ADAMTS13: variants seen among roughly 807,000 people sequenced by gnomAD.
The protein encoded by ADAMTS13 is ADAM metallopeptidase with thrombospondin type 1 motif 13, also known as A disintegrin and metalloproteinase with thrombospondin motifs 13.
In ADAMTS13, 110 loss-of-function variants were observed where a neutral mutation model predicts 155.1. The ratio of observed to expected loss-of-function variants is 0.71; its 90% CI spans 0.61 to 0.83. The LOEUF is 0.83. Among genes scored for constraint, ADAMTS13 ranks in the 40% least tolerant of loss-of-function variants. The pLI is 0.00. For missense variants in ADAMTS13, 1,707 were observed against 1,891.7 expected (o/e 0.90, Z 1.81); for synonymous variants, 758 against 756.4 (o/e 1.00, Z -0.03).
intron 11 of ADAMTS13, among the ~76,000 whole-genome samples, chr9:133,435,977 C>T (rs1416310387): frequency 1.6e-4 from 20 of 128,364 alleles, no homozygotes; most frequent in African/African-American, 4.0e-4. Flanking sequence ...CTTTTCTCTT[C>T]TTTTTTTTTT....
upstream of ADAMTS13, among the ~76,000 whole-genome samples, chr9:133,420,834 A>G (rs1839923603): frequency 1.3e-5 from 2 of 152,378 alleles, no homozygotes; most frequent in Middle Eastern, 3.4e-3. Flanking sequence ...ATCAATTTCA[A>G]TGGTATGTGG....
chr9:133,428,609 G>T, intron 6 of ADAMTS13, 25 bp from the exon 7 acceptor site: 1 of 1,197,598 alleles, frequency 8.4e-7, no homozygotes, highest in Non-Finnish European at 1.0e-6. Flanking sequence ...GGCCGCCTTA[G>T]CGCAACTCCC....
In ADAMTS13 at chr9:133,455,302, G is replaced by C. The variant is rs782307600; in HGVS notation, c.3267G>C (p.Gly1089=). 2 of 1,603,288 alleles carry C rather than the reference G, an allele frequency of 1.2e-6. No homozygotes were observed. Among genetic ancestry groups the C allele is most frequent in the Non-Finnish European group, 1.7e-6 (2 of 1,179,962 alleles). Residue 1089 remains glycine (G), a synonymous_variant, in exon 25 of 29, where the codon GGG becomes GGC. Coordinates refer to ENST00000355699, the MANE Select transcript of ADAMTS13 (RefSeq NM_139027.6). The stretch of plus-strand genomic sequence containing the variant: ...CTTGGCAGTGCTCTGTTTCCTGTGG[G>C]GATGGCATCCAGCGCCGGCGTGACA... The part of the protein sequence containing the change: ...GTWMECSVSC[G]DGIQRRRDTC...
In ADAMTS13 at chr9:133,433,664, G is replaced by A. The variant is rs1554788223; in HGVS notation, c.1268G>A (p.Cys423Tyr). Residue 423 changes from cysteine (C) to tyrosine (Y), a missense_variant, in exon 11 of 29, where the codon TGT becomes TAT. Physicochemically the swap from Cys to Tyr is radical, Grantham distance 194. Coordinates refer to ENST00000355699, the MANE Select transcript of ADAMTS13 (RefSeq NM_139027.6). The part of the protein sequence containing the change: ...NPRPAFGGRA[C>Y]VGADLQAEMC... ...AGACCTGCCTTTGGGGGGCGTGCAT[G>A]TGTTGGTGCTGACCTCCAGGCCGAG... 6.2e-7 allele frequency: 1 copy of A among 1,614,004 alleles called. No homozygotes were observed. Among genetic ancestry groups the A allele is most frequent in the Non-Finnish European group, 8.5e-7 (1 of 1,180,006 alleles).
intron 27 of ADAMTS13, among the ~76,000 whole-genome samples, chr9:133,457,633 C>T (rs1842824934): frequency 6.6e-6 from 1 of 152,236 alleles, no homozygotes; most frequent in African/African-American, 2.4e-5. Context: ...CACTCTTGCA[C>T]GTGTGACATC....
intron 16 of ADAMTS13, among the ~76,000 whole-genome samples, chr9:133,442,197 C>T (rs1841719497): frequency 6.6e-6 from 1 of 152,148 alleles, no homozygotes; most frequent in African/African-American, 2.4e-5. Flanking sequence ...TCTGAAACTC[C>T]TGGGCTCAAG....
At chr9:133,422,312 T>G (rs1157568820), upstream of ADAMTS13, 5 of 898,016 alleles carry the variant, frequency 5.6e-6, no homozygotes, top group East Asian at 1.3e-4. Context: ...GGCAGGAAGC[T>G]TCCAAGAGTA....
At chr9:133,431,095 G>C (rs1057328566) in intron 8 of ADAMTS13, among the ~76,000 whole-genome samples, 1 of 151,992 alleles carries the variant, frequency 6.6e-6, no homozygotes, top group Non-Finnish European at 1.5e-5. Context: ...CCTTGGAGTA[G>C]CTGGGACTAC....
At chr9:133,447,588 T>C (rs971718957) in intron 21 of ADAMTS13, among the ~76,000 whole-genome samples, 2 of 150,714 alleles carry the variant, frequency 1.3e-5, no homozygotes, top group Admixed American at 6.6e-5. Flanking sequence ...TTTCTTTTTC[T>C]TTTTTTTCTT....
In ADAMTS13 at chr9:133,448,681, G is replaced by T. The variant is rs1554793320; in HGVS notation, c.2814G>T (p.Lys938Asn). ...VQEELCGLAS[K>N]PGSRREVCQA... is the part of the protein sequence containing the mutation. Reference sequence around the variant, plus strand: ...AAGAGCTGTGTGGCCTGGCAAGCAAGCCTGGGAGCCGGCGGGAGGTCTGCC... The same window carrying T: ...AAGAGCTGTGTGGCCTGGCAAGCAATCCTGGGAGCCGGCGGGAGGTCTGCC... The change falls in exon 22 of 29, where the codon AAG becomes AAT. Residue 938 changes from lysine to asparagine, a missense_variant. Lys to Asn is a moderately conservative substitution (Grantham distance 94). This residue lies in a region of ADAMTS13 where 961 missense variants were observed against 1,107.9 expected (regional missense o/e 0.87). Coordinates refer to ENST00000355699, the MANE Select transcript of ADAMTS13 (RefSeq NM_139027.6). 3.1e-6 allele frequency: 5 copies of T among 1,606,410 alleles called. No homozygotes were observed. Among genetic ancestry groups the T allele is most frequent in the East Asian group, 2.2e-5 (1 of 44,886 alleles).
chr9:133,458,319 G>T (rs1005862708), intron 28 of ADAMTS13, among the ~76,000 whole-genome samples: 3 of 152,108 alleles, frequency 2.0e-5, no homozygotes, highest in Non-Finnish European at 4.4e-5. Flanking sequence ...ACTTTGGGAG[G>T]CCCAGGAGGG....
chr9:133,457,615 G>A (rs1842823972), intron 27 of ADAMTS13, among the ~76,000 whole-genome samples: 2 of 152,240 alleles, frequency 1.3e-5, no homozygotes, highest in African/African-American at 2.4e-5. Context: ...GCCAGTTTCA[G>A]TGTTAAACAC....
chr9:133,433,225 G>A (rs1588165289), intron 9 of ADAMTS13, among the ~76,000 whole-genome samples, 153 bp from the exon 10 acceptor site: 1 of 147,498 alleles, frequency 6.8e-6, no homozygotes, highest in East Asian at 2.0e-4. Flanking sequence ...ATCCCTATGG[G>A]TGAGTTCCTT....
Position 133,440,215 on chromosome 9 carries a change from C to T in ADAMTS13, c.1787-129C>T. 1.7e-6 allele frequency: 2 copies of T among 1,182,546 alleles called. No individual in the cohort carries two copies. The highest frequency in any genetic ancestry group is 2.5e-6 in the Non-Finnish European group (2 of 810,662). The allele number at this position is 1,182,546 out of a possible 1,614,324, so 73.3% of individuals were successfully genotyped here. On this transcript the variant is annotated intron_variant, in intron 15 of 28. Transcript: ENST00000355699. The surrounding 1 kb of genome is among the most constrained non-coding windows in gnomAD (Gnocchi z 4.3). Reference sequence around the variant, plus strand: ...CCTAGAGCCTCCGCTGTGGGGAAGCCTCTAGCTCAGATGCCTGTGGCTCCT... The same window carrying T: ...CCTAGAGCCTCCGCTGTGGGGAAGCTTCTAGCTCAGATGCCTGTGGCTCCT...
At chr9:133,433,733 G>A in intron 11 of ADAMTS13, 29 bp downstream of exon 11, 1 of 1,609,684 alleles carries the variant, frequency 6.2e-7, no homozygotes, top group South Asian at 1.1e-5. Context: ...GTAGGAGGGG[G>A]CAGCTGGTGG....
rs368433734 is a variant in ADAMTS13 at position 133,449,800 on chromosome 9, C to T, written c.2879C>T (p.Ala960Val). The T allele has an allele frequency of 9.3e-6, 15 of 1,613,806 alleles. No homozygotes were observed. The highest frequency in any genetic ancestry group is 2.7e-5 in the African/African-American group (2 of 74,934). ...PCPARWQYKL[A>V]ACSVSCGRGV... ...TGCTCCAGGTGGCAGTACAAGCTGG[C>T]GGCCTGCAGCGTGAGCTGTGGGAGA... The change falls in exon 23 of 29, where the codon GCG (alanine) becomes GTG (valine). Residue 960 changes from alanine (A) to valine (V), a missense_variant. Around this residue, in one of 3 missense-constraint regions of ADAMTS13, gnomAD observed 961 missense variants for 1,107.9 expected, o/e 0.87. Transcript: ENST00000355699.
chr9:133,436,781 C>G lies in ADAMTS13; in HGVS notation c.1309-48C>G. On this transcript the variant is annotated intron_variant, in intron 11 of 28. Coordinates refer to ENST00000355699, the MANE Select transcript of ADAMTS13 (RefSeq NM_139027.6). ...CATGTAGTCTCCCAGTGACAACACCCGCCCCCCGCCCCACCGCCATCCCCC... is the reference window on the plus strand; with the variant it reads ...CATGTAGTCTCCCAGTGACAACACCGGCCCCCCGCCCCACCGCCATCCCCC... 2.2e-5 allele frequency: 10 copies of G among 456,510 alleles called. 1 individual carries two copies. The highest frequency in any genetic ancestry group is 3.5e-5 in the Non-Finnish European group (8 of 229,404). The allele number at this position is 456,510 out of a possible 1,614,324, so 28.3% of individuals were successfully genotyped here.
intron 23 of ADAMTS13, among the ~76,000 whole-genome samples, chr9:133,452,087 T>C (rs1842467396): frequency 6.6e-6 from 1 of 151,420 alleles, no homozygotes; most frequent in African/African-American, 2.4e-5. Flanking sequence ...TTAGAATCTA[T>C]GTCTGGGCTT....
rs782587143 is a variant in ADAMTS13 at position 133,441,507 on chromosome 9, C to T, written c.1969-892C>T. On this transcript the variant is annotated intron_variant, in intron 16 of 28. Coordinates refer to ENST00000355699, the MANE Select transcript of ADAMTS13 (RefSeq NM_139027.6). The surrounding 1 kb of genome is among the most constrained non-coding windows in gnomAD (Gnocchi z 5.0). ...CTGTGTTGGGCCTGAGAAACCGCACCGTAACCAACACAGGCTTGCGGCACT... is the reference window on the plus strand; with the variant it reads ...CTGTGTTGGGCCTGAGAAACCGCACTGTAACCAACACAGGCTTGCGGCACT... Among the ~76,000 whole-genome samples, 15 of 152,194 alleles carry T rather than the reference C, an allele frequency of 9.9e-5. No homozygotes were observed. Among genetic ancestry groups the T allele is most frequent in the Non-Finnish European group, 1.5e-4 (10 of 68,036 alleles).
Sources: allele counts gnomAD v4.1 joint callset (sites outside exome capture counted in the v4.1 genomes callset), GRCh38; gene constraint gnomAD v4.1.1; regional missense constraint gnomAD v4.1.1; non-coding constraint Gnocchi (gnomAD v3.1); transcripts MANE v1.5; gene names NCBI Gene and HGNC (gene_info 2026-07-23, HGNC 2026-07-21).